The following DLGAP2 variants were observed in gnomAD, a reference collection of about 807,000 sequenced individuals.
The protein encoded by DLGAP2 is disks large-associated protein 2.
A neutral mutation model predicts 100.3 loss-of-function variants in DLGAP2; 26 were observed. That is an observed-to-expected ratio of 0.26 (90% confidence interval 0.19 to 0.36). DLGAP2 has a LOEUF of 0.36. Among genes scored for constraint, DLGAP2 ranks in the 10% least tolerant of loss-of-function variants. The pLI is 1.00. For synonymous variants in DLGAP2, 886 were observed against 630.1 expected (o/e 1.41, Z -6.08); for missense variants, 1,858 against 1,453.2 (o/e 1.28, Z -4.53).
intron 2 of DLGAP2, among the ~76,000 whole-genome samples, chr8:1,174,475 T>C (rs1289877670): frequency 6.6e-6 from 1 of 150,570 alleles, no homozygotes; most frequent in Non-Finnish European, 1.5e-5. Flanking sequence ...TCATTACCAT[T>C]ACCATCATCA....
intron 7 of DLGAP2, among the ~76,000 whole-genome samples, chr8:1,628,825 G>C (rs1370674759): frequency 1.3e-5 from 2 of 152,236 alleles, no homozygotes; most frequent in Non-Finnish European, 2.9e-5. Flanking sequence ...CATTCTCTCT[G>C]ACTTACTGTG....
At chr8:1,451,847 A>G (rs1389564012) in intron 3 of DLGAP2, among the ~76,000 whole-genome samples, 1 of 152,264 alleles carries the variant, frequency 6.6e-6, no homozygotes, top group African/African-American at 2.4e-5. Flanking sequence ...TGCGATCATC[A>G]CTAATGTACC....
chr8:1,348,866 C>T (rs1284702190), intron 3 of DLGAP2, among the ~76,000 whole-genome samples: 1 of 152,174 alleles, frequency 6.6e-6, no homozygotes, highest in Non-Finnish European at 1.5e-5. Context: ...CCATCCATGT[C>T]CTGCTTGTGC....
At chr8:790,374 G>T (rs1160221591) in intron 1 of DLGAP2, among the ~76,000 whole-genome samples, 1 of 152,118 alleles carries the variant, frequency 6.6e-6, no homozygotes, top group Non-Finnish European at 1.5e-5. Flanking sequence ...ATATTTGTTG[G>T]GTCTATGTAT....
Position 1,121,093 on chromosome 8 carries a change from C to T in DLGAP2, c.74-137758C>T, listed in dbSNP as rs1317975589. Among the ~76,000 whole-genome samples, 5 of 151,984 alleles carry T rather than the reference C, an allele frequency of 3.3e-5. No homozygotes were observed. In the East Asian group the frequency reaches 9.8e-4, roughly 30 times the overall value. On this transcript the variant is annotated intron_variant, in intron 2 of 14. Coordinates refer to ENST00000637795, the MANE Select transcript of DLGAP2 (RefSeq NM_001346810.2). Reference sequence around the variant, plus strand: ...TATCCCTTTAGAACCCCTGATCACCCATCCTCATTCCTTCAGACCCCATGA... The same window carrying T: ...TATCCCTTTAGAACCCCTGATCACCTATCCTCATTCCTTCAGACCCCATGA...
intron 3 of DLGAP2, among the ~76,000 whole-genome samples, chr8:1,372,389 A>T (rs1802262682): frequency 6.6e-6 from 1 of 152,150 alleles, no homozygotes; most frequent in African/African-American, 2.4e-5. Context: ...CAGGCGAGCA[A>T]AGCAGACACC....
intron 2 of DLGAP2, among the ~76,000 whole-genome samples, chr8:1,028,044 G>A (rs1486383108): frequency 1.4e-5 from 2 of 139,846 alleles, no homozygotes; most frequent in Admixed American, 7.2e-5. Context: ...TAGGGTGCTC[G>A]GTGCCCATTA....
chr8:1,165,128 G>T (rs1433857041), intron 2 of DLGAP2, among the ~76,000 whole-genome samples: 1 of 143,136 alleles, frequency 7.0e-6, no homozygotes, highest in Admixed American at 7.1e-5. Context: ...CTGCCAGATA[G>T]AGAGAGAGGA....
chr8:1,465,962 G>A (rs997887436), intron 3 of DLGAP2, among the ~76,000 whole-genome samples: 14 of 152,194 alleles, frequency 9.2e-5, no homozygotes, highest in Non-Finnish European at 1.5e-4. Flanking sequence ...AGCAGTGAAC[G>A]GAGTGGGAGG....
At chr8:1,165,913 A>G (rs1288608366) in intron 2 of DLGAP2, among the ~76,000 whole-genome samples, 1 of 151,722 alleles carries the variant, frequency 6.6e-6, no homozygotes, top group Non-Finnish European at 1.5e-5. Flanking sequence ...AGATAATAAC[A>G]GATTTTGTTG....
At chr8:1,008,062 G>T (rs1213790863) in intron 2 of DLGAP2, among the ~76,000 whole-genome samples, 3 of 152,148 alleles carry the variant, frequency 2.0e-5, no homozygotes, top group East Asian at 1.9e-4. Context: ...CACTCTCCAG[G>T]CTAGAATAAG....
chr8:1,578,116 C>G lies in DLGAP2; in HGVS notation c.1442+12222C>G, dbSNP rs892331540. On this transcript the variant is annotated intron_variant, in intron 6 of 14. Transcript: ENST00000637795. Reference sequence around the variant, plus strand: ...GATACAGTGCACTGAGTGTTTTTCTCTTTTTTGCACAAAAGAGCTTCCCAG... The same window carrying G: ...GATACAGTGCACTGAGTGTTTTTCTGTTTTTTGCACAAAAGAGCTTCCCAG... Among the ~76,000 whole-genome samples the G allele has an allele frequency of 2.0e-5, 3 of 152,140 alleles. 1 individual carries two copies. The South Asian group carries it at 6.2e-4, about 32-fold the overall frequency.
At chr8:882,384 A>G (rs1438953877) in intron 1 of DLGAP2, among the ~76,000 whole-genome samples, 2 of 147,622 alleles carry the variant, frequency 1.4e-5, no homozygotes, top group East Asian at 4.2e-4. Flanking sequence ...CGCCTGATCC[A>G]GCGGTACCTC....
In DLGAP2 at chr8:1,705,816, C is replaced by G. The variant is rs1370625768; in HGVS notation, c.*4410C>G. Reference sequence around the variant, plus strand: ...TCCAGGGTTCTCTTGTTTTGATCTGCATGTCTGTTTACACTTCTCTGTAGG... The same window carrying G: ...TCCAGGGTTCTCTTGTTTTGATCTGGATGTCTGTTTACACTTCTCTGTAGG... On this transcript the variant is annotated 3_prime_UTR_variant, in exon 15 of 15. Transcript: ENST00000637795. 2.0e-5 allele frequency: 3 copies of G among 152,158 alleles called. No homozygotes were observed. Among genetic ancestry groups the G allele is most frequent in the Admixed American group, 6.5e-5 (1 of 15,274 alleles). 9.4% of individuals were successfully genotyped at this position (152,158 alleles called of 1,614,324 possible).
At chr8:1,217,730 G>A (rs1029875324) in intron 2 of DLGAP2, among the ~76,000 whole-genome samples, 4 of 151,948 alleles carry the variant, frequency 2.6e-5, no homozygotes, top group African/African-American at 9.7e-5. Flanking sequence ...CACCAGTAGT[G>A]GGAATATAAA....
intron 7 of DLGAP2, among the ~76,000 whole-genome samples, chr8:1,632,211 A>T (rs1478764038): frequency 6.6e-6 from 1 of 152,254 alleles, no homozygotes; most frequent in Non-Finnish European, 1.5e-5. Flanking sequence ...AGCACATTTC[A>T]TGTGGACGAA....
At chr8:1,489,049 A>C (rs1183352052) in intron 3 of DLGAP2, among the ~76,000 whole-genome samples, 1 of 152,190 alleles carries the variant, frequency 6.6e-6, no homozygotes, top group Non-Finnish European at 1.5e-5. Flanking sequence ...ACATGGTCCA[A>C]CTTCTTTAAG....
chr8:1,530,999 A>C (rs1800971483), intron 4 of DLGAP2, among the ~76,000 whole-genome samples: 1 of 152,176 alleles, frequency 6.6e-6, no homozygotes, highest in South Asian at 2.1e-4. Flanking sequence ...TAGGTACAAA[A>C]ATTTGTTTTC....
intron 2 of DLGAP2, among the ~76,000 whole-genome samples, chr8:1,028,281 T>A (rs1252943228): frequency 2.0e-5 from 2 of 99,926 alleles, no homozygotes; most frequent in Admixed American, 1.0e-4. Context: ...AGGTGGGGTG[T>A]CAGGCGCCCG....
Sources: allele counts gnomAD v4.1 joint callset (sites outside exome capture counted in the v4.1 genomes callset), GRCh38; gene constraint gnomAD v4.1.1; transcripts MANE v1.5; gene names NCBI Gene and HGNC (gene_info 2026-07-23, HGNC 2026-07-21).